Variants in ZNF469 observed in about 807,000 individuals in gnomAD.
ZNF469 encodes the protein zinc finger protein 469.
Under a neutral mutation model 1.0 loss-of-function variants are expected in ZNF469, and 1 was observed. That is an observed-to-expected ratio of 1.00 (90% CI 0.35 to 4.73). The LOEUF (loss-of-function observed/expected upper bound fraction) is 4.73. ZNF469 is among the 30% of genes most tolerant of loss of function. The pLI is 0.16. For synonymous variants in ZNF469, 2,703 were observed against 2,363.4 expected (o/e 1.14, Z -4.17); for missense variants, 6,100 against 5,356.3 (o/e 1.14, Z -4.33).
the ZNF469 span, among the ~76,000 whole-genome samples, chr16:88,219,183 G>T: frequency 6.7e-6 from 1 of 148,400 alleles, no homozygotes; most frequent in East Asian, 2.0e-4. Context: ...CGTGAAAATG[G>T]CCATACTGCC....
chr16:88,172,911 G>A, the ZNF469 span, among the ~76,000 whole-genome samples: 14 of 152,132 alleles, frequency 9.2e-5, no homozygotes, highest in Non-Finnish European at 1.8e-4. Flanking sequence ...GAAACTGTTC[G>A]AATCAAAGCA....
the ZNF469 span, among the ~76,000 whole-genome samples, chr16:88,333,623 A>G: frequency 9.1e-3 from 1,386 of 152,264 alleles, 9 homozygotes; most frequent in Non-Finnish European, 0.014. Context: ...TCCTTCCAGC[A>G]AAGATGCAAA....
chr16:88,393,692 A>G (rs1904552229), intron 1 of ZNF469, among the ~76,000 whole-genome samples: 2 of 152,114 alleles, frequency 1.3e-5, no homozygotes, highest in Admixed American at 6.5e-5. Flanking sequence ...CAGTTTTCCC[A>G]CCTGTTCCCT....
the ZNF469 span, among the ~76,000 whole-genome samples, chr16:88,350,858 G>A: frequency 2.0e-5 from 3 of 152,340 alleles, no homozygotes; most frequent in East Asian, 1.9e-4. Flanking sequence ...TTCTCCCCAA[G>A]AGAAAAGATT....
intron 1 of ZNF469, among the ~76,000 whole-genome samples, chr16:88,419,867 C>G (rs914805977): frequency 3.9e-5 from 6 of 152,252 alleles, no homozygotes; most frequent in African/African-American, 7.2e-5. Flanking sequence ...TTGAGCCAGG[C>G]AGGACTCGGG....
the ZNF469 span, among the ~76,000 whole-genome samples, chr16:88,324,872 T>C: frequency 2.0e-5 from 3 of 152,118 alleles, no homozygotes; most frequent in African/African-American, 7.2e-5. Flanking sequence ...TACTTGATAC[T>C]GGGCAATTTA....
At chr16:88,200,403 A>G in the ZNF469 span, among the ~76,000 whole-genome samples, 1 of 152,226 alleles carries the variant, frequency 6.6e-6, no homozygotes, top group African/African-American at 2.4e-5. Flanking sequence ...CTCACGCCCC[A>G]TAGGGGACCG....
chr16:88,356,051 T>C, the ZNF469 span, among the ~76,000 whole-genome samples: 1 of 152,060 alleles, frequency 6.6e-6, no homozygotes, highest in Non-Finnish European at 1.5e-5. Context: ...ACCACCAGCC[T>C]TCATCATCAC....
At chr16:88,231,027 G>A in the ZNF469 span, among the ~76,000 whole-genome samples, 6 of 152,154 alleles carry the variant, frequency 3.9e-5, no homozygotes, top group African/African-American at 1.2e-4. The surrounding 1 kb of genome is among the most constrained non-coding windows in gnomAD (Gnocchi z 4.5). Context: ...CATGTCACAC[G>A]GGAGAAAACC....
chr16:88,197,895 A>C, the ZNF469 span, among the ~76,000 whole-genome samples: 1 of 152,254 alleles, frequency 6.6e-6, no homozygotes, highest in Non-Finnish European at 1.5e-5. Context: ...CCAGCAGAGC[A>C]AGGCAGGCCT....
At chr16:88,419,404 C>T (rs1163049978) in intron 1 of ZNF469, among the ~76,000 whole-genome samples, 1 of 152,200 alleles carries the variant, frequency 6.6e-6, no homozygotes, top group Non-Finnish European at 1.5e-5. Context: ...ATCCTGACCC[C>T]GGCTCTGCTC....
chr16:88,266,902 A>G, the ZNF469 span, among the ~76,000 whole-genome samples: 7 of 152,340 alleles, frequency 4.6e-5, no homozygotes, highest in South Asian at 1.5e-3. Flanking sequence ...AGAATGACAC[A>G]CTTTGTATGA....
chr16:88,266,398 A>G, the ZNF469 span, among the ~76,000 whole-genome samples: 1 of 152,250 alleles, frequency 6.6e-6, no homozygotes, highest in Non-Finnish European at 1.5e-5. Flanking sequence ...AGGAGACAGT[A>G]CGGCCTGTCG....
chr16:88,148,157 G>A, the ZNF469 span, among the ~76,000 whole-genome samples: 1 of 152,154 alleles, frequency 6.6e-6, no homozygotes, highest in Non-Finnish European at 1.5e-5. Context: ...AGCCTGCAAT[G>A]GGGCTTTCCC....
chr16:88,263,842 G>T, the ZNF469 span, among the ~76,000 whole-genome samples: 6 of 152,114 alleles, frequency 3.9e-5, no homozygotes, highest in South Asian at 2.1e-4. Flanking sequence ...CCACCTCCGA[G>T]ACTGATGCGC....
the ZNF469 span, chr16:88,101,078 A>G: frequency 5.3e-6 from 1 of 187,446 alleles, no homozygotes; most frequent in African/African-American, 2.4e-5. Context: ...GGGTAAGTGC[A>G]GTGTGTGGCG....
chr16:88,204,439 A>G, the ZNF469 span, among the ~76,000 whole-genome samples: 1 of 152,214 alleles, frequency 6.6e-6, no homozygotes, highest in South Asian at 2.1e-4. Flanking sequence ...AGCCCCTGCC[A>G]TTCTGTTTCC....
chr16:88,366,146 T>A, the ZNF469 span, among the ~76,000 whole-genome samples: 1 of 148,290 alleles, frequency 6.7e-6, no homozygotes, highest in Non-Finnish European at 1.5e-5. Flanking sequence ...ATCACCATCA[T>A]CACCATCATC....
the ZNF469 span, among the ~76,000 whole-genome samples, chr16:88,243,243 C>G: frequency 6.6e-6 from 1 of 152,194 alleles, no homozygotes; most frequent in African/African-American, 2.4e-5. Flanking sequence ...CCATTGGTCA[C>G]CAGTGCTGAC....
Sources: gnomAD v4.1 joint callset for allele counts (sites outside exome capture counted in the v4.1 genomes callset) on GRCh38, gnomAD v4.1.1 for gene constraint, Gnocchi (gnomAD v3.1) non-coding constraint, MANE v1.5 for transcripts, NCBI Gene and HGNC (gene_info 2026-07-23, HGNC 2026-07-21) for gene names.